Variants in SLIT2 observed in about 807,000 individuals in gnomAD.
The protein encoded by SLIT2 is slit homolog 2 protein.
Under a neutral mutation model 185.7 loss-of-function variants are expected in SLIT2, and 41 were observed. That is an observed-to-expected ratio of 0.22 (90% CI 0.17 to 0.29). The LOEUF (loss-of-function observed/expected upper bound fraction) is 0.29, where lower values mean the gene tolerates loss of function less well. SLIT2 is among the 10% of genes least tolerant of loss of function. The pLI is 1.00. For synonymous variants in SLIT2, 693 were observed against 680.2 expected (o/e 1.02, Z -0.29); for missense variants, 1,571 against 1,909.0 (o/e 0.82, Z 3.30).
chr4:20,356,418 C>T lies in SLIT2; in HGVS notation c.395+87537C>T, dbSNP rs145337928. Among the ~76,000 whole-genome samples the T allele has an allele frequency of 9.3e-4, 141 of 152,230 alleles. 1 individual carries two copies. The highest frequency in any genetic ancestry group is 3.2e-3 in the African/African-American group (131 of 41,548). On this transcript the variant is annotated intron_variant, in intron 4 of 36. Coordinates refer to ENST00000504154, the MANE Select transcript of SLIT2 (RefSeq NM_004787.4). ...GTTGAGGTTACCAGCGGTACAAGAT[C>T]AGATCACCTAGTTAGATATTGATGC...
chr4:20,403,555 G>A (rs1387535528), intron 4 of SLIT2, among the ~76,000 whole-genome samples: 1 of 151,890 alleles, frequency 6.6e-6, no homozygotes, highest in Non-Finnish European at 1.5e-5. Context: ...GTCCCATTGG[G>A]GAAATTGAAT....
intron 4 of SLIT2, among the ~76,000 whole-genome samples, chr4:20,343,641 A>C (rs899613684): frequency 6.6e-6 from 1 of 151,904 alleles, no homozygotes; most frequent in African/African-American, 2.4e-5. Flanking sequence ...AGCTAGGGCT[A>C]CAGGCATGTG....
chr4:20,372,976 G>A (rs190240676), intron 4 of SLIT2, among the ~76,000 whole-genome samples: 59 of 152,048 alleles, frequency 3.9e-4, no homozygotes, highest in African/African-American at 1.2e-3. Flanking sequence ...TTACATTTAC[G>A]AACATATTAT....
intron 4 of SLIT2, among the ~76,000 whole-genome samples, chr4:20,387,788 C>T (rs977088653): frequency 1.2e-4 from 19 of 152,064 alleles, no homozygotes; most frequent in Non-Finnish European, 1.5e-5. Context: ...CTGAATTCTG[C>T]CAACAACCTG....
intron 8 of SLIT2, chr4:20,490,742 G>A: frequency 9.0e-7 from 1 of 1,116,912 alleles, no homozygotes; most frequent in Admixed American, 2.0e-5. Context: ...ATAATGAAAT[G>A]ACTAACAGTT....
At chr4:20,310,183 T>C (rs1329385450) in intron 4 of SLIT2, among the ~76,000 whole-genome samples, 1 of 152,204 alleles carries the variant, frequency 6.6e-6, no homozygotes, top group African/African-American at 2.4e-5. Context: ...TTTTTTAATG[T>C]TTCTCATTGT....
At chr4:20,343,614 A>G (rs993323197) in intron 4 of SLIT2, among the ~76,000 whole-genome samples, 1 of 151,544 alleles carries the variant, frequency 6.6e-6, no homozygotes, top group Non-Finnish European at 1.5e-5. Flanking sequence ...CAGTCTTTCC[A>G]TTTCAGCCTC....
At chr4:20,416,882 A>G (rs919432718) in intron 4 of SLIT2, among the ~76,000 whole-genome samples, 3 of 152,184 alleles carry the variant, frequency 2.0e-5, no homozygotes, top group African/African-American at 7.2e-5. Flanking sequence ...GCCTGATCTT[A>G]AGTGTATCTG....
intron 8 of SLIT2, among the ~76,000 whole-genome samples, chr4:20,491,172 A>G (rs561689836): frequency 2.8e-4 from 43 of 152,342 alleles, no homozygotes; most frequent in African/African-American, 1.0e-3. Context: ...TAACAATAAG[A>G]TGACTTTATA....
chr4:20,576,727 T>A lies in SLIT2; in HGVS notation c.3088+7723T>A, dbSNP rs538047684. Among the ~76,000 whole-genome samples, 7 of 152,262 alleles carry A rather than the reference T, an allele frequency of 4.6e-5. No homozygotes were observed. In the East Asian group the frequency reaches 1.4e-3, roughly 29 times the overall value. On this transcript the variant is annotated intron_variant, in intron 29 of 36. Transcript: ENST00000504154. ...CAAAACTTTCTTAAATGCACTTTAA[T>A]CTCAAAAAAAAGTTTTAAAGATCTT...
At chr4:20,359,194 T>C (rs1211673246) in intron 4 of SLIT2, among the ~76,000 whole-genome samples, 1 of 152,106 alleles carries the variant, frequency 6.6e-6, no homozygotes, top group Non-Finnish European at 1.5e-5. Flanking sequence ...TGAAAAGCTA[T>C]ACTAAAGAGG....
Position 20,253,631 on chromosome 4 carries a change from C to T in SLIT2, c.-185C>T, listed in dbSNP as rs1373820875. ...CTCTGCCAGAGGAGGGTGGAGAGGG[C>T]GGTGGGAGGCGTGTGCCTGAGTGGG... On this transcript the variant is annotated 5_prime_UTR_variant, in exon 1 of 37. Transcript: ENST00000504154. The T allele has an allele frequency of 6.3e-6, 4 of 639,086 alleles. No homozygotes were observed. The highest frequency in any genetic ancestry group is 1.1e-5 in the Non-Finnish European group (4 of 373,022). The allele number at this position is 639,086 out of a possible 1,614,324, so 39.6% of individuals were successfully genotyped here.
intron 9 of SLIT2, among the ~76,000 whole-genome samples, chr4:20,497,262 G>A (rs1718305624): frequency 2.0e-5 from 3 of 147,574 alleles, no homozygotes. Context: ...AAAAACTTGG[G>A]AAAAAAAAAA....
intron 4 of SLIT2, among the ~76,000 whole-genome samples, chr4:20,417,052 G>A (rs1316899904): frequency 6.6e-6 from 1 of 150,898 alleles, no homozygotes; most frequent in Non-Finnish European, 1.5e-5. Flanking sequence ...CTTGAAATGT[G>A]AGCTTTCCTC....
At chr4:20,513,625 G>A (rs1291045937) in intron 11 of SLIT2, among the ~76,000 whole-genome samples, 1 of 152,094 alleles carries the variant, frequency 6.6e-6, no homozygotes, top group Admixed American at 6.5e-5. Context: ...TGATAAACTG[G>A]CAAATGTATA....
intron 4 of SLIT2, among the ~76,000 whole-genome samples, chr4:20,290,294 C>G (rs757343893): frequency 6.6e-6 from 1 of 151,964 alleles, no homozygotes; most frequent in Non-Finnish European, 1.5e-5. Flanking sequence ...GTGGATTCAA[C>G]CAACAGCAGA....
intron 4 of SLIT2, among the ~76,000 whole-genome samples, chr4:20,289,104 T>C (rs1715560704): frequency 6.6e-6 from 1 of 152,192 alleles, no homozygotes; most frequent in African/African-American, 2.4e-5. Context: ...CAGGGGGTGC[T>C]GATGCATGTG....
At chr4:20,490,175 G>GT (rs776782048) in intron 8 of SLIT2, among the ~76,000 whole-genome samples, 22 of 152,282 alleles carry the variant, frequency 1.4e-4, no homozygotes, top group Admixed American at 2.6e-4. Flanking sequence ...CGTTTACTGA[G>GT]TTTTTTAATA....
At chr4:20,542,747 A>T (rs1298065417) in intron 21 of SLIT2, 121 bp downstream of exon 21, 1 of 1,074,772 alleles carries the variant, frequency 9.3e-7, no homozygotes, top group African/African-American at 1.6e-5. Flanking sequence ...AAGGCCAGTT[A>T]ATTATTATCC....
Sources: allele counts gnomAD v4.1 joint callset (sites outside exome capture counted in the v4.1 genomes callset), GRCh38; gene constraint gnomAD v4.1.1; transcripts MANE v1.5; gene names NCBI Gene and HGNC (gene_info 2026-07-23, HGNC 2026-07-21).